The following ARIH2 variants were observed in gnomAD, a reference collection of about 807,000 sequenced individuals.
ARIH2 encodes E3 ubiquitin-protein ligase ARIH2.
A neutral mutation model predicts 79.8 loss-of-function variants in ARIH2; 12 were observed. The observed-to-expected ratio is 0.15, with a 90% CI of 0.10 to 0.24. ARIH2 has a LOEUF of 0.24. Ranked by LOEUF, ARIH2 falls within the 10% of genes least tolerant of loss-of-function variation. ARIH2 has a pLI of 1.00. For missense variants in ARIH2, 301 were observed against 618.3 expected (o/e 0.49, Z 5.44); for synonymous variants, 224 against 213.9 (o/e 1.05, Z -0.41).
chr3:48,977,046 T>C (rs1315575921), intron 11 of ARIH2, among the ~76,000 whole-genome samples: 1 of 151,540 alleles, frequency 6.6e-6, no homozygotes, highest in African/African-American at 2.4e-5. Context: ...TAAAAAAAAA[T>C]ACAAAATTAG....
At chr3:48,941,588 CTTTT>C (rs2088234813) in intron 3 of ARIH2, among the ~76,000 whole-genome samples, 2 of 147,496 alleles carry the variant, frequency 1.4e-5, no homozygotes. Flanking sequence ...TTTTTCTTTT[CTTTT>C]CTTTTTTTTT....
chr3:48,964,841 T>C (rs2091618584), intron 4 of ARIH2, 78 bp from the exon 5 acceptor site: 12 of 1,132,160 alleles, frequency 1.1e-5, no homozygotes, highest in Non-Finnish European at 1.6e-5. Context: ...CTAAACATCT[T>C]TCTCTGTCCT....
chr3:48,927,581 A>G lies in ARIH2; in HGVS notation c.23A>G (p.Gln8Arg). The change falls in exon 3 of 16, where the codon CAG (glutamine) becomes CGG (arginine). Residue 8 changes from glutamine to arginine, a missense_variant. Coordinates refer to ENST00000356401, the MANE Select transcript of ARIH2 (RefSeq NM_006321.4). ...AAGATGTCAGTGGACATGAATAGCCAGGGGTCTGACAGCAATGAAGAGGAC... is the reference window on the plus strand; with the variant it reads ...AAGATGTCAGTGGACATGAATAGCCGGGGGTCTGACAGCAATGAAGAGGAC... MSVDMNS[Q>R]GSDSNEEDYD... is the part of the protein sequence containing the mutation. 6.2e-7 allele frequency: 1 copy of G among 1,614,012 alleles called. No homozygotes were observed. Among genetic ancestry groups the G allele is most frequent in the Non-Finnish European group, 8.5e-7 (1 of 1,179,984 alleles).
intron 3 of ARIH2, chr3:48,945,296 T>C: frequency 1.1e-6 from 1 of 947,570 alleles, no homozygotes; most frequent in Non-Finnish European, 1.5e-6. Flanking sequence ...CTGGAGAGCT[T>C]CAGCCAGCTA....
intron 3 of ARIH2, chr3:48,934,931 G>C (rs1281948770): frequency 2.0e-6 from 2 of 985,076 alleles, no homozygotes; most frequent in Non-Finnish European, 2.4e-6. Flanking sequence ...TGGAAGTCAT[G>C]TGTAATCAAG....
intron 3 of ARIH2, among the ~76,000 whole-genome samples, chr3:48,940,303 G>C (rs376475579): frequency 6.6e-6 from 1 of 152,216 alleles, no homozygotes; most frequent in Non-Finnish European, 1.5e-5. Context: ...CCGGGAGGTG[G>C]AGGTTGTGGT....
chr3:48,952,829 A>G (rs902688959), intron 3 of ARIH2, among the ~76,000 whole-genome samples: 1 of 152,226 alleles, frequency 6.6e-6, no homozygotes, highest in African/African-American at 2.4e-5. Context: ...GATTTCTGTC[A>G]GCAAGATAAG....
chr3:48,926,332 A>G (rs2085604642), intron 2 of ARIH2, among the ~76,000 whole-genome samples: 1 of 151,524 alleles, frequency 6.6e-6, no homozygotes, highest in Admixed American at 6.6e-5. Flanking sequence ...CAGTGGCGCA[A>G]TCTCAGCTCA....
intron 3 of ARIH2, among the ~76,000 whole-genome samples, chr3:48,948,034 A>C (rs1166083685): frequency 6.7e-6 from 1 of 149,828 alleles, no homozygotes; most frequent in Admixed American, 6.6e-5. Context: ...GATCTCGGCT[A>C]ACTGCAAGCT....
chr3:48,943,592 T>C (rs1237301098), intron 3 of ARIH2: 1 of 152,132 alleles, frequency 6.6e-6, no homozygotes, highest in Admixed American at 6.5e-5. Context: ...ATTTCTGCCC[T>C]CAATGGGCTT....
intron 9 of ARIH2, 98 bp downstream of exon 9, chr3:48,973,914 C>T (rs945063596): frequency 3.4e-6 from 3 of 883,094 alleles, no homozygotes; most frequent in African/African-American, 1.7e-5. Flanking sequence ...ATACCCAGAG[C>T]CCCAGGACCC....
At chr3:48,981,327 G>GT (rs2092743391) in intron 13 of ARIH2, among the ~76,000 whole-genome samples, 2 of 145,996 alleles carry the variant, frequency 1.4e-5, no homozygotes, top group South Asian at 4.3e-4. Context: ...ACAAAACCTT[G>GT]TTTCAAAAAA....
chr3:48,984,216 G>C lies in ARIH2; in HGVS notation c.*946G>C, dbSNP rs2092843662. The C allele has an allele frequency of 6.6e-6, 1 of 152,610 alleles. No individual in the cohort carries two copies. The highest frequency in any genetic ancestry group is 1.5e-5 in the Non-Finnish European group (1 of 68,046). The allele number at this position is 152,610 out of a possible 1,614,324, so 9.5% of individuals were successfully genotyped here. A position where few individuals can be genotyped will look rare whatever the true frequency, so the allele number is the denominator to read the frequency against. On this transcript the variant is annotated 3_prime_UTR_variant, in exon 16 of 16. Transcript: ENST00000356401. ...ATTCAAGTGGTATAGCTCTGAGCAG[G>C]GTCACATTTGGCCAAACCTGACACT... is the stretch of plus-strand genomic sequence containing the variant.
In ARIH2 at chr3:48,927,504, G is replaced by T; in HGVS notation, c.-55G>T. 1.9e-6 allele frequency: 3 copies of T among 1,583,556 alleles called. No individual in the cohort carries two copies. In the Admixed American group the frequency reaches 5.6e-5, roughly 29 times the overall value. On this transcript the variant is annotated 5_prime_UTR_variant, in exon 3 of 16. Coordinates refer to ENST00000356401, the MANE Select transcript of ARIH2 (RefSeq NM_006321.4). ...GCATTTGAGAAAGCGGTAGTTTTGGGGGGAGGGGGAAAAAGCAACTGCTTT... is the reference window on the plus strand; with the variant it reads ...GCATTTGAGAAAGCGGTAGTTTTGGTGGGAGGGGGAAAAAGCAACTGCTTT...
chr3:48,928,276 T>C (rs2085904808), intron 3 of ARIH2, among the ~76,000 whole-genome samples: 2 of 152,258 alleles, frequency 1.3e-5, no homozygotes, highest in South Asian at 4.1e-4. Flanking sequence ...ATTTGTTTCA[T>C]GTACTGATTT....
At chr3:48,926,519 C>T (rs1264174314) in intron 2 of ARIH2, among the ~76,000 whole-genome samples, 1 of 151,952 alleles carries the variant, frequency 6.6e-6, no homozygotes, top group African/African-American at 2.4e-5. Context: ...ACCCACCCAT[C>T]TCAGCCTCTC....
Position 48,983,267 on chromosome 3 carries a change from C to T in ARIH2, c.1479C>T (p.Thr493=), listed in dbSNP as rs775104571. ...RRTLLKDFHD[T] is the part of the protein sequence containing the mutation. ...CCCTGCTGAAAGATTTCCATGACAC[C>T]TAAGTTGGGATGTGGATGTGCCGGG... Residue 493 remains threonine (T), a synonymous_variant, in exon 16 of 16, where the codon ACC becomes ACT. Transcript: ENST00000356401. 1.1e-5 allele frequency: 17 copies of T among 1,614,000 alleles called. No individual in the cohort carries two copies. Among genetic ancestry groups the T allele is most frequent in the Non-Finnish European group, 1.3e-5 (15 of 1,180,020 alleles).
At chr3:48,939,398 C>A (rs1016295842) in intron 3 of ARIH2, among the ~76,000 whole-genome samples, 7 of 152,108 alleles carry the variant, frequency 4.6e-5, no homozygotes, top group African/African-American at 1.7e-4. Flanking sequence ...CCTAAAATGA[C>A]AGGTTCTGTT....
At chr3:48,965,150 C>A (rs934317123) in intron 5 of ARIH2, among the ~76,000 whole-genome samples, 168 bp downstream of exon 5, 2 of 151,246 alleles carry the variant, frequency 1.3e-5, no homozygotes, top group African/African-American at 2.4e-5. Flanking sequence ...GTCAGGAGAT[C>A]GAGACCATCC....
Sources: allele counts gnomAD v4.1 joint callset (sites outside exome capture counted in the v4.1 genomes callset), GRCh38; gene constraint gnomAD v4.1.1; transcripts MANE v1.5; gene names NCBI Gene and HGNC (gene_info 2026-07-23, HGNC 2026-07-21).